Variants in ZSWIM5 observed in about 807,000 individuals in gnomAD.
ZSWIM5 encodes the protein zinc finger SWIM domain-containing protein 5.
Under a neutral mutation model 119.6 loss-of-function variants are expected in ZSWIM5, and 55 were observed. That is an observed-to-expected ratio of 0.46 (90% CI 0.37 to 0.58). The LOEUF is 0.58. ZSWIM5 is among the 20% of genes least tolerant of loss of function. ZSWIM5 has a pLI of 0.00. For missense variants in ZSWIM5, 1,193 were observed against 1,512.8 expected, an observed-to-expected ratio of 0.79 and a Z score of 3.51; for synonymous variants, 537 against 606.9, an observed-to-expected ratio of 0.88 and a Z score of 1.69.
intron 1 of ZSWIM5, among the ~76,000 whole-genome samples, chr1:45,114,873 T>C (rs1455927695): frequency 5.9e-5 from 9 of 152,216 alleles, no homozygotes; most frequent in Non-Finnish European, 1.0e-4. Context: ...CCTTCAAGCA[T>C]CTGTTTAACA....
chr1:45,115,229 G>C (rs970420529), intron 1 of ZSWIM5, among the ~76,000 whole-genome samples: 2 of 151,642 alleles, frequency 1.3e-5, no homozygotes. Context: ...GCCAGGCAGA[G>C]GTGCCCCCCA....
rs113425012 is a variant in ZSWIM5, at chr1:45,194,297, G to A, written c.595+11459C>T. Among the ~76,000 whole-genome samples, 1,454 of 152,188 alleles carry A rather than the reference G, an allele frequency of 9.6e-3. 27 individuals carry two copies. The highest frequency in any genetic ancestry group is 0.034 in the African/African-American group (1,395 of 41,526). On this transcript the variant is annotated intron_variant, in intron 1 of 13. Coordinates refer to ENST00000359600, the MANE Select transcript of ZSWIM5 (RefSeq NM_020883.2). Reference sequence around the variant, plus strand: ...ACAATAGATTTTCCTGTTGCTCACAGACCAAAAGATAATGGAAGCACAAAA... The same window carrying A: ...ACAATAGATTTTCCTGTTGCTCACAAACCAAAAGATAATGGAAGCACAAAA...
At chr1:45,030,476 C>A (rs12724597) in intron 11 of ZSWIM5, among the ~76,000 whole-genome samples, 38,448 of 151,782 alleles carry the variant, frequency 0.25, 5,082 homozygotes, top group Admixed American at 0.34. Context: ...CGAACTCCTA[C>A]CTTTAGGTTA....
intron 11 of ZSWIM5, among the ~76,000 whole-genome samples, chr1:45,024,947 G>A (rs910756164): frequency 3.6e-4 from 55 of 152,112 alleles, no homozygotes; most frequent in African/African-American, 1.3e-3. Flanking sequence ...GAGCCACTGC[G>A]CCCGGCCATC....
intron 1 of ZSWIM5, among the ~76,000 whole-genome samples, chr1:45,179,387 A>C (rs1265564346): frequency 6.6e-6 from 1 of 152,106 alleles, no homozygotes; most frequent in Non-Finnish European, 1.5e-5. Context: ...AGAAGGTGCT[A>C]AACACTGGGC....
intron 3 of ZSWIM5, 123 bp downstream of exon 3, chr1:45,059,976 G>T: frequency 8.1e-7 from 1 of 1,235,950 alleles, no homozygotes; most frequent in Non-Finnish European, 1.1e-6. Flanking sequence ...TAGATTTCAA[G>T]TATTCAGTTC....
At chr1:45,082,053 T>C (rs974895402) in intron 2 of ZSWIM5, among the ~76,000 whole-genome samples, 4 of 152,306 alleles carry the variant, frequency 2.6e-5, no homozygotes, top group Admixed American at 2.0e-4. Context: ...CTCTGAAACA[T>C]GTGCTGTGTC....
intron 1 of ZSWIM5, among the ~76,000 whole-genome samples, chr1:45,131,302 A>G (rs186186276): frequency 6.6e-6 from 1 of 152,324 alleles, no homozygotes; most frequent in East Asian, 1.9e-4. Flanking sequence ...ATATAAATTT[A>G]TAATTATCTC....
In ZSWIM5 at chr1:45,100,554, A is replaced by C. The variant is rs1447030580; in HGVS notation, c.596-12317T>G. Among the ~76,000 whole-genome samples, 3 of 152,226 alleles carry C rather than the reference A, an allele frequency of 2.0e-5. 1 individual carries two copies. The South Asian group carries it at 6.2e-4, about 31-fold the overall frequency. On this transcript the variant is annotated intron_variant, in intron 1 of 13. Transcript: ENST00000359600. The stretch of plus-strand genomic sequence containing the variant: ...CACAGAATTGGAAAAAACTACTTTA[A>C]AGTTCATATGGAACCAAAAAAGAGC...
At chr1:45,141,565 T>G (rs1645727615) in intron 1 of ZSWIM5, among the ~76,000 whole-genome samples, 3 of 152,138 alleles carry the variant, frequency 2.0e-5, no homozygotes, top group Admixed American at 2.0e-4. Flanking sequence ...CCCAACCAGA[T>G]AGACTGCCTA....
chr1:45,070,110 G>A (rs573349646), intron 2 of ZSWIM5: 9 of 1,009,436 alleles, frequency 8.9e-6, no homozygotes, highest in East Asian at 4.7e-5. Context: ...TGGTGCATTC[G>A]ATCAGTCCAG....
rs190007491 is a variant in ZSWIM5 at position 45,146,753 on chromosome 1, C to T, written c.596-58516G>A. On this transcript the variant is annotated intron_variant, in intron 1 of 13. Transcript: ENST00000359600. ...ACACACACACACAATTGTATACGTA[C>T]GTACTCATATTGACTATAAGCTCCA... Among the ~76,000 whole-genome samples the T allele has an allele frequency of 5.8e-3, 889 of 152,102 alleles. 1 individual carries two copies. The highest frequency in any genetic ancestry group is 8.9e-3 in the Admixed American group (136 of 15,264).
chr1:45,051,324 T>G (rs1645087309), intron 4 of ZSWIM5, 71 bp from the exon 5 acceptor site: 1 of 1,415,282 alleles, frequency 7.1e-7, no homozygotes, highest in Non-Finnish European at 9.4e-7. Flanking sequence ...ATGTTTCAGT[T>G]TCATTTTTAG....
chr1:45,206,158 A>G lies in ZSWIM5; in HGVS notation c.193T>C (p.Leu65=). 1 of 1,609,278 alleles carries G rather than the reference A, an allele frequency of 6.2e-7. No homozygotes were observed. Among genetic ancestry groups the G allele is most frequent in the Non-Finnish European group, 8.5e-7 (1 of 1,178,586 alleles). Residue 65 remains leucine (L), a synonymous_variant, in exon 1 of 14, where the codon TTA becomes CTA. Coordinates refer to ENST00000359600, the MANE Select transcript of ZSWIM5 (RefSeq NM_020883.2). The part of the protein sequence containing the change: ...GARPHLQPDS[L]LDCAAKTVAE... ...ACCGTCTTGGCGGCGCAGTCCAGTA[A>G]GGAATCCGGCTGCAGGTGGGGGCGG...
At chr1:45,189,049 C>G (rs980322380) in intron 1 of ZSWIM5, among the ~76,000 whole-genome samples, 4 of 152,204 alleles carry the variant, frequency 2.6e-5, no homozygotes, top group African/African-American at 9.6e-5. Flanking sequence ...CACGGTGGCT[C>G]ACGCCTGTAA....
Position 45,205,789 on chromosome 1 carries a change from C to T in ZSWIM5, c.562G>A (p.Asp188Asn). Reference protein sequence around the residue: ...LPFRRGIRLLDSGSVENVLQV... With the variant: ...LPFRRGIRLLNSGSVENVLQV... ...AGCACGTTCTCCACGGAGCCGCTGT[C>T]CAGCAGACGGATGCCCCGGCGGAAC... The change falls in exon 1 of 14, where the codon GAC (aspartate) becomes AAC (asparagine). Residue 188 changes from aspartate to asparagine, a missense_variant. By Grantham distance (23) the Asp-to-Asn change is conservative. Coordinates refer to ENST00000359600, the MANE Select transcript of ZSWIM5 (RefSeq NM_020883.2). 1 of 1,561,652 alleles carries T rather than the reference C, an allele frequency of 6.4e-7. No homozygotes were observed. The highest frequency in any genetic ancestry group is 8.6e-7 in the Non-Finnish European group (1 of 1,158,700).
intron 5 of ZSWIM5, among the ~76,000 whole-genome samples, chr1:45,043,753 C>T (rs1489457018): frequency 6.6e-6 from 1 of 152,122 alleles, no homozygotes; most frequent in Admixed American, 6.6e-5. Context: ...GCCACTCAGT[C>T]ATGAAGACAC....
intron 2 of ZSWIM5, among the ~76,000 whole-genome samples, chr1:45,083,536 C>T (rs1156703249): frequency 6.6e-6 from 1 of 152,164 alleles, no homozygotes; most frequent in African/African-American, 2.4e-5. Flanking sequence ...AAGCGTTAGC[C>T]ACCATGCCCA....
At chr1:45,162,981 C>T (rs1183808791) in intron 1 of ZSWIM5, among the ~76,000 whole-genome samples, 2 of 152,200 alleles carry the variant, frequency 1.3e-5, no homozygotes, top group African/African-American at 4.8e-5. Flanking sequence ...GTGGTTCTCC[C>T]AGCATGGAGT....
Sources: allele counts gnomAD v4.1 joint callset (sites outside exome capture counted in the v4.1 genomes callset), GRCh38; gene constraint gnomAD v4.1.1; transcripts MANE v1.5; gene names NCBI Gene and HGNC (gene_info 2026-07-23, HGNC 2026-07-21).